The following GPD2 variants were observed in gnomAD, a reference collection of about 807,000 sequenced individuals.
GPD2 encodes glycerol-3-phosphate dehydrogenase, mitochondrial.
GPD2 carries 54 observed loss-of-function variants against 82.4 expected under a neutral mutation model. The ratio of observed to expected loss-of-function variants is 0.66; its 90% CI spans 0.53 to 0.82. The LOEUF (loss-of-function observed/expected upper bound fraction) is 0.82, where lower values mean the gene tolerates loss of function less well. Among genes scored for constraint, GPD2 ranks in the 40% least tolerant of loss-of-function variants. GPD2 has a pLI of 0.00. For missense variants in GPD2, 748 were observed against 896.2 expected (o/e 0.83, Z 2.11); for synonymous variants, 288 against 306.1 (o/e 0.94, Z 0.62).
At chr2:156,486,871 T>C (rs1187085536) in intron 2 of GPD2, among the ~76,000 whole-genome samples, 1 of 152,248 alleles carries the variant, frequency 6.6e-6, no homozygotes, top group Non-Finnish European at 1.5e-5. Flanking sequence ...AAAGTGTAGC[T>C]GAAGGCCATC....
intron 1 of GPD2, among the ~76,000 whole-genome samples, chr2:156,466,619 C>T (rs1219923186): frequency 6.6e-6 from 1 of 152,148 alleles, no homozygotes; most frequent in Non-Finnish European, 1.5e-5. Context: ...CCTTGTGTTC[C>T]TCTAAGGCTC....
chr2:156,553,993 C>G (rs1200083341), intron 8 of GPD2, among the ~76,000 whole-genome samples: 1 of 152,148 alleles, frequency 6.6e-6, no homozygotes, highest in African/African-American at 2.4e-5. Flanking sequence ...ATAACCACTA[C>G]ACATCCTGTT....
intron 8 of GPD2, among the ~76,000 whole-genome samples, chr2:156,551,841 A>T (rs1353584726): frequency 6.6e-6 from 1 of 152,202 alleles, no homozygotes; most frequent in Non-Finnish European, 1.5e-5. Flanking sequence ...GGAAGGAAAT[A>T]TGTTAAATGT....
chr2:156,568,384 GTTTAA>G (rs1027386452), intron 9 of GPD2, among the ~76,000 whole-genome samples: 2 of 152,098 alleles, frequency 1.3e-5, no homozygotes, highest in African/African-American at 2.4e-5. Context: ...TTACAGGTTT[GTTTAA>G]TTTAATAAGG....
chr2:156,491,305 A>G (rs1684166345), intron 2 of GPD2, among the ~76,000 whole-genome samples: 1 of 152,222 alleles, frequency 6.6e-6, no homozygotes, highest in African/African-American at 2.4e-5. Context: ...TGCAGTCCAT[A>G]TAGTCTCTGA....
At chr2:156,439,558 C>T (rs1472916079) in intron 1 of GPD2, among the ~76,000 whole-genome samples, 2 of 98,238 alleles carry the variant, frequency 2.0e-5, no homozygotes, top group Non-Finnish European at 3.9e-5. Flanking sequence ...AAAAAACAAG[C>T]CAGGCAGGCA....
At chr2:156,556,334 T>C (rs962278690) in intron 8 of GPD2, among the ~76,000 whole-genome samples, 1 of 152,198 alleles carries the variant, frequency 6.6e-6, no homozygotes, top group Non-Finnish European at 1.5e-5. Flanking sequence ...AAGAATCCAG[T>C]CAAATAGAAG....
intron 1 of GPD2, among the ~76,000 whole-genome samples, chr2:156,453,890 A>G (rs147111204): frequency 8.5e-4 from 129 of 152,296 alleles, no homozygotes; most frequent in African/African-American, 2.9e-3. Flanking sequence ...AACAAAAAAC[A>G]AAACAAAAAA....
chr2:156,552,345 G>A (rs1686789268), intron 8 of GPD2, among the ~76,000 whole-genome samples: 1 of 152,132 alleles, frequency 6.6e-6, no homozygotes, highest in Non-Finnish European at 1.5e-5. Context: ...CAAATGAAAA[G>A]GAGAGAAATA....
Position 156,581,292 on chromosome 2 carries a change from A to G in GPD2, c.2059-1501A>G, listed in dbSNP as rs1688015036. Reference sequence around the variant, plus strand: ...ATGCTGACCATATTCCTCATGAAATATATTCACACCCAAATGTTATTTTTT... The same window carrying G: ...ATGCTGACCATATTCCTCATGAAATGTATTCACACCCAAATGTTATTTTTT... On this transcript the variant is annotated intron_variant, in intron 16 of 16. Coordinates refer to ENST00000438166, the MANE Select transcript of GPD2 (RefSeq NM_000408.5). Among the ~76,000 whole-genome samples, 2 of 152,084 alleles carry G rather than the reference A, an allele frequency of 1.3e-5. 1 individual carries two copies. Among genetic ancestry groups the G allele is most frequent in the Non-Finnish European group, 2.9e-5 (2 of 67,962 alleles).
rs539274712 is a variant in GPD2, at chr2:156,555,437, G to T, written c.972-1952G>T. Among the ~76,000 whole-genome samples, 11 of 152,134 alleles carry T rather than the reference G, an allele frequency of 7.2e-5. No homozygotes were observed. The East Asian group carries it at 2.1e-3, about 29-fold the overall frequency. ...TAAATTTATCATGTTTATTATTTTAGACACATCATATGATGTCTAGTCCTT... is the reference window on the plus strand; with the variant it reads ...TAAATTTATCATGTTTATTATTTTATACACATCATATGATGTCTAGTCCTT... On this transcript the variant is annotated intron_variant, in intron 8 of 16. Transcript: ENST00000438166.
intron 6 of GPD2, among the ~76,000 whole-genome samples, chr2:156,534,885 G>T (rs1380585095): frequency 6.6e-6 from 1 of 152,102 alleles, no homozygotes; most frequent in Non-Finnish European, 1.5e-5. Context: ...GAAGTTCTGT[G>T]ACAAGCATAT....
chr2:156,440,364 G>A (rs1416008966), intron 1 of GPD2, among the ~76,000 whole-genome samples: 2 of 152,180 alleles, frequency 1.3e-5, no homozygotes, highest in Non-Finnish European at 2.9e-5. Context: ...AGTGATCTCA[G>A]GAACATTTAA....
intron 3 of GPD2, among the ~76,000 whole-genome samples, chr2:156,507,259 AC>A (rs1684819845): frequency 6.9e-6 from 1 of 144,534 alleles, no homozygotes. Flanking sequence ...TGATCCTCCC[AC>A]CCCTCCCAAA....
rs985681331 is a variant in GPD2, at chr2:156,568,835, GGA to G, written c.1177_1178del (p.Asp393CysfsTer30). 1.9e-6 allele frequency: 3 copies of G among 1,612,510 alleles called. No individual in the cohort carries two copies. The African/African-American group carries it at 4.0e-5, about 22-fold the overall frequency. On this transcript the variant is annotated frameshift_variant, in exon 10 of 17. Coordinates refer to ENST00000438166, the MANE Select transcript of GPD2 (RefSeq NM_000408.5). LOFTEE classifies it high-confidence loss of function. Reference sequence around the variant, plus strand: ...ATTGATTCCTACCAGTGAGAAGAGGGGATGTCCTGGCAGCATGGAGTGGAATC... The same window carrying G: ...ATTGATTCCTACCAGTGAGAAGAGGGTGTCCTGGCAGCATGGAGTGGAATC... ...LSCDVEVRRG[D>X]VLAAWSGIRP... is the part of the protein sequence containing the mutation.
In GPD2 at chr2:156,513,347, C is replaced by T. The variant is rs143467322; in HGVS notation, c.512C>T (p.Pro171Leu). The part of the protein sequence containing the change: ...MLPVYKWWQL[P>L]YYWVGIKLYD... ...TTATGCTGTAGGTGGTGGCAGTTAC[C>T]TTACTACTGGGTAGGAATCAAGCTG... Residue 171 changes from proline (P) to leucine (L), a missense_variant, in exon 6 of 17, where the codon CCT (proline) becomes CTT (leucine). Coordinates refer to ENST00000438166, the MANE Select transcript of GPD2 (RefSeq NM_000408.5). 5.6e-6 allele frequency: 9 copies of T among 1,611,026 alleles called. No individual in the cohort carries two copies. The highest frequency in any genetic ancestry group is 7.6e-6 in the Non-Finnish European group (9 of 1,178,756).
intron 6 of GPD2, among the ~76,000 whole-genome samples, chr2:156,544,147 G>A (rs1163898770): frequency 2.0e-5 from 3 of 152,162 alleles, no homozygotes; most frequent in Non-Finnish European, 4.4e-5. Flanking sequence ...GTGATTTTCT[G>A]TTCTCCATTG....
intron 16 of GPD2, among the ~76,000 whole-genome samples, chr2:156,580,395 G>A (rs1478867738): frequency 6.6e-6 from 1 of 152,100 alleles, no homozygotes; most frequent in Non-Finnish European, 1.5e-5. Context: ...TAATCATGCA[G>A]GAAATAAATT....
rs185097148 is a variant in GPD2 at position 156,472,068 on chromosome 2, T to A, written c.-8-4030T>A. On this transcript the variant is annotated intron_variant, in intron 1 of 16. Coordinates refer to ENST00000438166, the MANE Select transcript of GPD2 (RefSeq NM_000408.5). ...TGATAAATAAGCTAATTCTATTTTT[T>A]AAAATTTTTTCACCTCTGGTTTCCT... is the stretch of plus-strand genomic sequence containing the variant. Among the ~76,000 whole-genome samples the A allele has an allele frequency of 2.8e-3, 431 of 152,338 alleles. 2 individuals are homozygous for A. Among genetic ancestry groups the A allele is most frequent in the African/African-American group, 9.8e-3 (407 of 41,588 alleles).
Sources: allele counts gnomAD v4.1 joint callset (sites outside exome capture counted in the v4.1 genomes callset), GRCh38; gene constraint gnomAD v4.1.1; transcripts MANE v1.5; gene names NCBI Gene and HGNC (gene_info 2026-07-23, HGNC 2026-07-21).